The following IYD variants were observed in gnomAD, a reference collection of about 807,000 sequenced individuals.
IYD encodes iodotyrosine deiodinase, also known as iodotyrosine deiodinase 1.
Under a neutral mutation model 28.4 loss-of-function variants are expected in IYD, and 25 were observed. The observed-to-expected ratio is 0.88, with a 90% CI of 0.64 to 1.23. The LOEUF is 1.23. Among genes scored for constraint, IYD ranks in the 50% most tolerant of loss-of-function variants. IYD has a pLI of 0.00. For missense variants in IYD, 352 were observed against 357.9 expected, an observed-to-expected ratio of 0.98 and a Z score of 0.13; for synonymous variants, 140 against 130.8, an observed-to-expected ratio of 1.07 and a Z score of -0.48.
At chr6:150,385,893 A>C (rs530896603) in intron 1 of IYD, among the ~76,000 whole-genome samples, 52 of 151,968 alleles carry the variant, frequency 3.4e-4, no homozygotes, top group African/African-American at 1.2e-3. Flanking sequence ...ATTTTATATA[A>C]ATTTTCTAAT....
rs1424916497 is a variant in IYD, at chr6:150,400,498, G to C, written c.*2261G>C. On this transcript the variant is annotated 3_prime_UTR_variant, in exon 5 of 5. Transcript: ENST00000344419. Reference sequence around the variant, plus strand: ...CCAAAGATGTCAATGGAAACTAATCGAGTCTTACACCTAATTTTCAGTTTA... The same window carrying C: ...CCAAAGATGTCAATGGAAACTAATCCAGTCTTACACCTAATTTTCAGTTTA... The C allele has an allele frequency of 6.6e-6, 1 of 152,134 alleles. No individual in the cohort carries two copies. Among genetic ancestry groups the C allele is most frequent in the African/African-American group, 2.4e-5 (1 of 41,432 alleles). 9.4% of individuals were successfully genotyped at this position (152,134 alleles called of 1,614,324 possible). A position where few individuals can be genotyped will look rare whatever the true frequency, so the allele number is the denominator to read the frequency against.
chr6:150,381,097 A>G (rs1421150290), intron 1 of IYD, among the ~76,000 whole-genome samples: 1 of 152,232 alleles, frequency 6.6e-6, no homozygotes, highest in Non-Finnish European at 1.5e-5. Context: ...ACTTTGCTCA[A>G]AAGGCAAAAG....
At position 150,369,091 on chromosome 6, in the gene IYD, T is replaced by C. The variant is rs1582758867; in HGVS notation, c.60T>C (p.Phe20=). Residue 20 remains phenylalanine, a synonymous_variant, in exon 1 of 5, where the codon TTT becomes TTC. Transcript: ENST00000344419. ...AILCILVVWI[F]KNADRSMEKK... ...TCTGCATTTTGGTTGTGTGGATCTT[T>C]AAAAATGCCGACAGAAGCATGGAGA... The C allele has an allele frequency of 6.2e-7, 1 of 1,613,602 alleles. No individual in the cohort carries two copies. The highest frequency in any genetic ancestry group is 8.5e-7 in the Non-Finnish European group (1 of 1,179,922).
chr6:150,397,710 G>A (rs62432540), intron 4 of IYD, among the ~76,000 whole-genome samples: 24,886 of 152,024 alleles, frequency 0.16, 4,155 homozygotes, highest in African/African-American at 0.41. Flanking sequence ...TAGCTAAAAG[G>A]AACTCCCTGT....
intron 4 of IYD, 66 bp from the exon 5 acceptor site, chr6:150,397,989 A>C (rs969142036): frequency 2.7e-6 from 4 of 1,470,198 alleles, no homozygotes; most frequent in Non-Finnish European, 3.8e-6. Context: ...GAAGGTCCCC[A>C]GGTTAGAGGG....
At chr6:150,393,591 T>C (rs2115055788) in intron 3 of IYD, among the ~76,000 whole-genome samples, 1 of 152,378 alleles carries the variant, frequency 6.6e-6, no homozygotes, top group East Asian at 1.9e-4. Flanking sequence ...CTATCTGTGC[T>C]AGAATAAAAC....
At position 150,375,614 on chromosome 6, in the gene IYD, A is replaced by G. The variant is rs1188046858; in HGVS notation, c.178+6405A>G. 4.1e-5 allele frequency among the ~76,000 whole-genome samples: 6 copies of G among 146,450 alleles called. No homozygotes were observed. The Admixed American group carries it at 4.2e-4, about 10-fold the overall frequency. On this transcript the variant is annotated intron_variant, in intron 1 of 4. Coordinates refer to ENST00000344419, the MANE Select transcript of IYD (RefSeq NM_203395.3). ...ACTTTCAGAACAAGGAAGTGGGTCA[A>G]AGCAGCCTGATGAATGCTTGATTAT...
chr6:150,395,875 C>T (rs1313321680), intron 4 of IYD: 5 of 575,050 alleles, frequency 8.7e-6, no homozygotes, highest in African/African-American at 7.5e-5. Flanking sequence ...TATTTGGAGG[C>T]TTGGAAAGAG....
In IYD at chr6:150,379,423, C is replaced by G. The variant is rs73617627; in HGVS notation, c.179-9929C>G. ...TTGAATCCCCAGCCTCTTTCTTATT[C>G]CTCAAGTTTCACATTACATGCCATC... On this transcript the variant is annotated intron_variant, in intron 1 of 4. Coordinates refer to ENST00000344419, the MANE Select transcript of IYD (RefSeq NM_203395.3). Among the ~76,000 whole-genome samples, 624 of 152,272 alleles carry G rather than the reference C, an allele frequency of 4.1e-3. 6 individuals are homozygous for G. Among genetic ancestry groups the G allele is most frequent in the African/African-American group, 0.011 (469 of 41,526 alleles).
chr6:150,393,902 T>G (rs547354846), intron 3 of IYD, among the ~76,000 whole-genome samples, 197 bp from the exon 4 acceptor site: 1 of 152,204 alleles, frequency 6.6e-6, no homozygotes, highest in African/African-American at 2.4e-5. Context: ...TAGGCACTTA[T>G]TAAGACATGT....
intron 1 of IYD, among the ~76,000 whole-genome samples, chr6:150,388,674 T>C (rs922787989): frequency 9.6e-6 from 1 of 103,918 alleles, no homozygotes; most frequent in Non-Finnish European, 2.4e-5. Flanking sequence ...TTTCTTTCTT[T>C]CTTTCTTTCT....
intron 1 of IYD, chr6:150,370,461 C>G: frequency 1.0e-6 from 1 of 984,664 alleles, no homozygotes; most frequent in Non-Finnish European, 1.2e-6. Context: ...GAGTGTGTGT[C>G]CTAATCTCAG....
chr6:150,389,251 C>T, intron 1 of IYD, 101 bp from the exon 2 acceptor site: 1 of 816,160 alleles, frequency 1.2e-6, no homozygotes, highest in Non-Finnish European at 2.1e-6. Flanking sequence ...TTTTTGAGTT[C>T]ATAACCTTAC....
chr6:150,387,069 T>C (rs1363912349), intron 1 of IYD, among the ~76,000 whole-genome samples: 2 of 150,718 alleles, frequency 1.3e-5, no homozygotes, highest in East Asian at 3.8e-4. Flanking sequence ...AAAATAACTC[T>C]TTGAGTTTAC....
intron 1 of IYD, chr6:150,370,693 C>G: frequency 1.0e-6 from 1 of 984,386 alleles, no homozygotes; most frequent in Non-Finnish European, 1.2e-6. Flanking sequence ...TAAGGATGGC[C>G]TGGATGGTGG....
At chr6:150,377,267 C>G (rs1339108) in intron 1 of IYD, among the ~76,000 whole-genome samples, 41,329 of 152,116 alleles carry the variant, frequency 0.27, 7,001 homozygotes, top group African/African-American at 0.48. Context: ...CTAGTGGCTC[C>G]ACTGCTCTAG....
chr6:150,395,768 G>C, intron 4 of IYD: 1 of 674,504 alleles, frequency 1.5e-6, no homozygotes, highest in East Asian at 2.7e-5. Context: ...AGAACTTCCT[G>C]GTCAGGTTTA....
intron 4 of IYD, chr6:150,396,685 T>TAAC (rs943060462): frequency 5.9e-5 from 21 of 353,922 alleles, no homozygotes; most frequent in African/African-American, 2.6e-4. Flanking sequence ...CCATCCTGGC[T>TAAC]AACATGGTGA....
chr6:150,403,722 A>C lies in IYD; in HGVS notation c.*5485A>C, dbSNP rs762790687. The C allele has an allele frequency of 4.6e-5, 7 of 152,258 alleles. No individual in the cohort carries two copies. The highest frequency in any genetic ancestry group is 1.0e-4 in the Non-Finnish European group (7 of 68,048). 9.4% of individuals were successfully genotyped at this position (152,258 alleles called of 1,614,324 possible). The stretch of plus-strand genomic sequence containing the variant: ...AATCCCATTTGGGAAATTCCTAAAA[A>C]GTCATGAGGCAGGGGATTGGTTTAT... On this transcript the variant is annotated 3_prime_UTR_variant, in exon 5 of 5. Transcript: ENST00000344419.
Sources: allele counts gnomAD v4.1 joint callset (sites outside exome capture counted in the v4.1 genomes callset), GRCh38; gene constraint gnomAD v4.1.1; transcripts MANE v1.5; gene names NCBI Gene and HGNC (gene_info 2026-07-23, HGNC 2026-07-21).